POF1B: variants seen among roughly 807,000 people sequenced by gnomAD.
POF1B encodes POF1B actin binding protein.
Under a neutral mutation model 55.3 loss-of-function variants are expected in POF1B, and 53 were observed. The observed-to-expected ratio is 0.96, with a 90% CI of 0.77 to 1.20. The LOEUF (loss-of-function observed/expected upper bound fraction) is 1.20, where lower values mean the gene tolerates loss of function less well. Among genes scored for constraint, POF1B ranks in the 50% most tolerant of loss-of-function variants. The probability of loss-of-function intolerance (pLI) is 0.00; values close to 1 mark genes in which losing one functional copy is unlikely to be tolerated. For missense variants in POF1B, 478 were observed against 420.5 expected (o/e 1.14, Z -1.20); for synonymous variants, 188 against 148.3 (o/e 1.27, Z -1.95).
chrX:85,363,388 T>C, intron 3 of POF1B, among the ~76,000 whole-genome samples: 1 of 108,923 alleles, frequency 9.2e-6, no homozygotes. Flanking sequence ...TGTTTAATGC[T>C]ATAAATTTCC....
At chrX:85,326,247 G>A (rs1256393656) in intron 7 of POF1B, among the ~76,000 whole-genome samples, 2 of 111,676 alleles carry the variant, frequency 1.8e-5, no homozygotes, top group African/African-American at 6.5e-5. Context: ...CTGTGGTGGT[G>A]TTCACAGTGG....
chrX:85,292,274 C>T (rs1932208544), intron 15 of POF1B, among the ~76,000 whole-genome samples: 1 of 111,921 alleles, frequency 8.9e-6, no homozygotes, highest in African/African-American at 3.3e-5. Context: ...CCTTGCATTC[C>T]AGGGATGAAG....
At position 85,306,459 on chromosome X, in the gene POF1B, G is replaced by A. The variant is rs363780; in HGVS notation, c.1165-126C>T. Reference sequence around the variant, plus strand: ...CTATGCCCAGTTTTCTTATACTCTGGGTCTTAGATGGTACATTAAGTCACC... The same window carrying A: ...CTATGCCCAGTTTTCTTATACTCTGAGTCTTAGATGGTACATTAAGTCACC... On this transcript the variant is annotated intron_variant, in intron 11 of 16. Coordinates refer to ENST00000262753, the MANE Select transcript of POF1B (RefSeq NM_024921.4). 2.0e-3 allele frequency: 1,217 copies of A among 595,048 alleles called. 6 individuals carry two copies. In the African/African-American group the frequency reaches 0.023, roughly 11 times the overall value. The allele number at this position is 595,048 out of a possible 1,213,427, so 49.0% of individuals were successfully genotyped here.
At chrX:85,313,081 A>G (rs777809593) in intron 9 of POF1B, among the ~76,000 whole-genome samples, 1 of 111,685 alleles carries the variant, frequency 9.0e-6, no homozygotes, top group South Asian at 3.8e-4. Flanking sequence ...TTGGGTTGAG[A>G]CGATGGGGTT....
At position 85,341,260 on chromosome X, in the gene POF1B, C is replaced by T. The variant is rs750083455; in HGVS notation, c.723+4600G>A. ...TATTTAGCTAAATGCAAGTAAATAT[C>T]ACAAGACGAAGCTAACAATTGAAAA... On this transcript the variant is annotated intron_variant, in intron 6 of 16. Transcript: ENST00000262753. Among the ~76,000 whole-genome samples, 5 of 110,756 alleles carry T rather than the reference C, an allele frequency of 4.5e-5. No individual in the cohort carries two copies. The East Asian group carries it at 1.4e-3, about 32-fold the overall frequency.
intron 15 of POF1B, among the ~76,000 whole-genome samples, chrX:85,289,521 C>A: frequency 9.0e-6 from 1 of 111,449 alleles, no homozygotes; most frequent in Non-Finnish European, 1.9e-5. Flanking sequence ...TCCCAAGCCA[C>A]ACATATATCC....
chrX:85,361,955 CGTGTGTGT>C (rs3049233), intron 3 of POF1B, among the ~76,000 whole-genome samples: 67 of 94,273 alleles, frequency 7.1e-4, no homozygotes, highest in South Asian at 7.0e-3. Flanking sequence ...CTAGGTATTT[CGTGTGTGT>C]GTGTGTGTGT....
At chrX:85,364,954 T>G (rs1933690832) in intron 3 of POF1B, among the ~76,000 whole-genome samples, 1 of 111,824 alleles carries the variant, frequency 8.9e-6, no homozygotes, top group Admixed American at 9.5e-5. Flanking sequence ...TCCTTTTCAT[T>G]CTTTTTTTTC....
At position 85,379,584 on chromosome X, in the gene POF1B, A is replaced by T. The variant is rs144220548; in HGVS notation, c.-42+55T>A. The T allele has an allele frequency of 5.6e-4, 389 of 692,887 alleles. 2 individuals are homozygous for T. The East Asian group carries it at 0.011, about 20-fold the overall frequency. The allele number at this position is 692,887 out of a possible 1,213,427, so 57.1% of individuals were successfully genotyped here. A position where few individuals can be genotyped will look rare whatever the true frequency, so the allele number is the denominator to read the frequency against. On this transcript the variant is annotated intron_variant, in intron 1 of 16. Transcript: ENST00000262753. ...AGACAGACACACGACACACGTGTGG[A>T]AACCGCTTATCAAAACCTCTGCCAA...
chrX:85,356,435 A>G (rs1026234298), intron 4 of POF1B, among the ~76,000 whole-genome samples: 3 of 109,771 alleles, frequency 2.7e-5, no homozygotes, highest in Admixed American at 2.0e-4. Context: ...GTGCACATGT[A>G]CCCTAGAACT....
chrX:85,328,844 A>G (rs1362592056), intron 7 of POF1B, among the ~76,000 whole-genome samples: 1 of 108,675 alleles, frequency 9.2e-6, no homozygotes, highest in African/African-American at 3.4e-5. Flanking sequence ...AAAAAAAAAA[A>G]CAAAACAAAC....
In POF1B at chrX:85,277,645, T is replaced by A. The variant is rs1301393755; in HGVS notation, c.*1776A>T. On this transcript the variant is annotated 3_prime_UTR_variant, in exon 17 of 17. Transcript: ENST00000262753. ...ATCCATGAGTTCAATTGTTTTGACTTTTAGATCCCGCAAATAATTGAGAAC... is the reference window on the plus strand; with the variant it reads ...ATCCATGAGTTCAATTGTTTTGACTATTAGATCCCGCAAATAATTGAGAAC... 1 of 110,441 alleles carries A rather than the reference T, an allele frequency of 9.1e-6. No individual in the cohort carries two copies. Among genetic ancestry groups the A allele is most frequent in the African/African-American group, 3.3e-5 (1 of 30,517 alleles). The allele number at this position is 110,441 out of a possible 1,213,427, so 9.1% of individuals were successfully genotyped here.
chrX:85,330,249 T>C (rs1410101859), intron 7 of POF1B, among the ~76,000 whole-genome samples: 1 of 110,647 alleles, frequency 9.0e-6, no homozygotes, highest in Non-Finnish European at 1.9e-5. Context: ...TAAATCTATA[T>C]AATTTTATAT....
At chrX:85,313,241 C>T (rs944119339) in intron 9 of POF1B, among the ~76,000 whole-genome samples, 11 of 111,893 alleles carry the variant, frequency 9.8e-5, no homozygotes, top group African/African-American at 2.9e-4. Flanking sequence ...AGAGGGCATC[C>T]TTGTCTTGTG....
intron 4 of POF1B, among the ~76,000 whole-genome samples, 191 bp from the exon 5 acceptor site, chrX:85,351,642 G>T (rs1603067076): frequency 9.0e-6 from 1 of 110,636 alleles, no homozygotes. Context: ...TTATCAAAAA[G>T]AACAATCTGG....
At chrX:85,285,426 A>T (rs1603020554) in intron 15 of POF1B, among the ~76,000 whole-genome samples, 4 of 111,095 alleles carry the variant, frequency 3.6e-5, no homozygotes, top group African/African-American at 1.3e-4. Context: ...GATAGACTGG[A>T]TTAAGAAAAT....
chrX:85,303,432 A>C lies in POF1B; in HGVS notation c.1623T>G (p.Gly541=). The change falls in exon 15 of 17, where the codon GGT becomes GGG. Residue 541 remains glycine (G), a synonymous_variant. Coordinates refer to ENST00000262753, the MANE Select transcript of POF1B (RefSeq NM_024921.4). The stretch of plus-strand genomic sequence containing the variant: ...TTTTAGTGGTAATAGTAGTCCTTCC[A>C]CCAGTGGAGGGTTGGTTATGAGAGG... ...IYSSHNQPST[G]GRTTITTKKY... is the part of the protein sequence containing the mutation. 8.4e-7 allele frequency: 1 copy of C among 1,190,316 alleles called. No homozygotes were observed. Among genetic ancestry groups the C allele is most frequent in the Non-Finnish European group, 1.1e-6 (1 of 879,511 alleles).
intron 15 of POF1B, among the ~76,000 whole-genome samples, chrX:85,283,480 C>T (rs553298255): frequency 1.4e-3 from 153 of 108,779 alleles, no homozygotes; most frequent in South Asian, 7.9e-3. Context: ...ACAAAAAGAC[C>T]GATAAATTTT....
In POF1B at chrX:85,379,364, G is replaced by A; in HGVS notation, c.91C>T (p.His31Tyr). ...EVLQCQPQHYHCYHQSSQAQQ... is the reference protein window; with the variant it reads ...EVLQCQPQHYYCYHQSSQAQQ... ...GCTTGGCTTGACTGATGGTAGCAGTGGTAATGCTGGGGCTGGCACTGCAGC... is the reference window on the plus strand; with the variant it reads ...GCTTGGCTTGACTGATGGTAGCAGTAGTAATGCTGGGGCTGGCACTGCAGC... Residue 31 changes from histidine (H) to tyrosine (Y), a missense_variant, in exon 2 of 17, where the codon CAC becomes TAC. Transcript: ENST00000262753. 2 of 1,209,901 alleles carry A rather than the reference G, an allele frequency of 1.7e-6. No homozygotes were observed. Among genetic ancestry groups the A allele is most frequent in the Non-Finnish European group, 2.2e-6 (2 of 894,906 alleles).
Sources: gnomAD v4.1 joint callset for allele counts (sites outside exome capture counted in the v4.1 genomes callset) on GRCh38, gnomAD v4.1.1 for gene constraint, MANE v1.5 for transcripts, NCBI Gene and HGNC (gene_info 2026-07-23, HGNC 2026-07-21) for gene names.